CEP70: variants seen among roughly 807,000 people sequenced by gnomAD.
CEP70 encodes the protein centrosomal protein of 70 kDa.
A neutral mutation model predicts 90.9 loss-of-function variants in CEP70; 70 were observed. The observed-to-expected ratio is 0.77, with a 90% CI of 0.64 to 0.94. The LOEUF (loss-of-function observed/expected upper bound fraction) is 0.94. CEP70 is among the 40% of genes least tolerant of loss of function. The probability of loss-of-function intolerance (pLI) is 0.00; values close to 1 mark genes in which losing one functional copy is unlikely to be tolerated. For synonymous variants in CEP70, 220 were observed against 228.3 expected (o/e 0.96, Z 0.33); for missense variants, 648 against 669.0 (o/e 0.97, Z 0.35).
At chr3:138,563,599 T>C (rs565206376) in intron 6 of CEP70, among the ~76,000 whole-genome samples, 3 of 152,180 alleles carry the variant, frequency 2.0e-5, no homozygotes, top group Admixed American at 6.5e-5. Context: ...GAATGACTAC[T>C]GGGTAAACAA....
At chr3:138,519,074 G>T (rs1365024215) in intron 11 of CEP70, among the ~76,000 whole-genome samples, 1 of 152,186 alleles carries the variant, frequency 6.6e-6, no homozygotes, top group Non-Finnish European at 1.5e-5. Context: ...CTGGAAGAAA[G>T]GGTATCAGTG....
chr3:138,497,908 G>A (rs2108651189), intron 17 of CEP70, 123 bp downstream of exon 17: 1 of 1,505,736 alleles, frequency 6.6e-7, no homozygotes, highest in Non-Finnish European at 8.8e-7. Context: ...TGTGTTTCCA[G>A]AACTGTTAGT....
chr3:138,522,543 T>C (rs1456946671), intron 11 of CEP70, among the ~76,000 whole-genome samples: 2 of 152,058 alleles, frequency 1.3e-5, no homozygotes, highest in Non-Finnish European at 2.9e-5. Context: ...AAAGGGGATA[T>C]CACCACAGAT....
intron 6 of CEP70, among the ~76,000 whole-genome samples, chr3:138,539,844 T>G (rs921573809): frequency 6.6e-6 from 1 of 152,082 alleles, no homozygotes; most frequent in Admixed American, 6.6e-5. Context: ...TCAATTCAAA[T>G]AAGCCTACCC....
chr3:138,551,460 A>G (rs1015554573), intron 6 of CEP70, among the ~76,000 whole-genome samples: 1 of 152,216 alleles, frequency 6.6e-6, no homozygotes, highest in African/African-American at 2.4e-5. Context: ...AATTAAAAAA[A>G]TCTGGCTGGG....
rs869111052 is a variant in CEP70 at position 138,525,425 on chromosome 3, TAAAA to T, written c.944+61_944+64del. ...AAGTATAATAAAATAAAAATAAAAA[TAAAA>T]ATAAATAAATAAAATAAAAAATCCT... On this transcript the variant is annotated intron_variant, in intron 11 of 17. Coordinates refer to ENST00000264982, the MANE Select transcript of CEP70 (RefSeq NM_024491.4). 5.6e-5 allele frequency: 32 copies of T among 574,150 alleles called. 1 individual carries two copies. The highest frequency in any genetic ancestry group is 3.0e-4 in the African/African-American group (15 of 49,936). The allele number at this position is 574,150 out of a possible 1,614,324, so 35.6% of individuals were successfully genotyped here. A position where few individuals can be genotyped will look rare whatever the true frequency, so the allele number is the denominator to read the frequency against.
intron 6 of CEP70, among the ~76,000 whole-genome samples, chr3:138,542,145 G>T (rs2038820235): frequency 6.6e-6 from 1 of 152,198 alleles, no homozygotes; most frequent in African/African-American, 2.4e-5. Context: ...GCAAATGTGG[G>T]GTCTGGCTAT....
At chr3:138,569,852 A>G (rs2041044321) in intron 6 of CEP70, among the ~76,000 whole-genome samples, 1 of 152,238 alleles carries the variant, frequency 6.6e-6, no homozygotes, top group African/African-American at 2.4e-5. Context: ...TGGGTGACAG[A>G]GCCAGACGCT....
At chr3:138,581,694 C>CAAAAAAAAA (rs35064874) in intron 2 of CEP70, among the ~76,000 whole-genome samples, 2 of 79,350 alleles carry the variant, frequency 2.5e-5, no homozygotes, top group African/African-American at 4.8e-5. Context: ...AAACTTGTCT[C>CAAAAAAAAA]AAAAAAAAAA....
intron 16 of CEP70, among the ~76,000 whole-genome samples, chr3:138,499,574 G>GA (rs2034287583): frequency 6.6e-6 from 1 of 152,050 alleles, no homozygotes; most frequent in Non-Finnish European, 1.5e-5. Flanking sequence ...TTTTTATCTT[G>GA]AAAATATTTG....
chr3:138,500,658 A>G, intron 14 of CEP70, 77 bp downstream of exon 14: 3 of 1,493,580 alleles, frequency 2.0e-6, no homozygotes, highest in African/African-American at 1.4e-5. Flanking sequence ...ACTCTAGTAG[A>G]ACAAATATCA....
chr3:138,513,178 G>A (rs138094024), intron 11 of CEP70, among the ~76,000 whole-genome samples: 355 of 152,330 alleles, frequency 2.3e-3, no homozygotes, highest in African/African-American at 8.1e-3. Flanking sequence ...CAGACATGAT[G>A]CACAGCCTGT....
intron 6 of CEP70, among the ~76,000 whole-genome samples, chr3:138,555,688 GA>G (rs1312327938): frequency 2.0e-5 from 3 of 152,182 alleles, no homozygotes; most frequent in Non-Finnish European, 2.9e-5. Context: ...AATGGTCAGG[GA>G]AATGCAGATC....
chr3:138,532,812 T>C (rs1450515020), intron 7 of CEP70, among the ~76,000 whole-genome samples: 1 of 152,180 alleles, frequency 6.6e-6, no homozygotes, highest in African/African-American at 2.4e-5. Flanking sequence ...TAAATGCATA[T>C]CCTCCTTGTC....
At chr3:138,496,885 T>C (rs2033987196) in intron 17 of CEP70, 1 of 985,528 alleles carries the variant, frequency 1.0e-6, no homozygotes, top group African/African-American at 1.7e-5. Flanking sequence ...TATAGAAGCA[T>C]TCTGAAATAA....
At chr3:138,501,772 G>A (rs1036057123) in intron 13 of CEP70, among the ~76,000 whole-genome samples, 2 of 152,088 alleles carry the variant, frequency 1.3e-5, no homozygotes, top group African/African-American at 4.8e-5. Context: ...CTGATCAATC[G>A]ACAAATATTT....
rs1289595202 is a variant in CEP70 at position 138,530,944 on chromosome 3, GGA to G, written c.693-1484_693-1483del. The G allele has an allele frequency of 7.2e-6, 4 of 552,324 alleles. No individual in the cohort carries two copies. The African/African-American group carries it at 8.2e-5, about 11-fold the overall frequency. The allele number at this position is 552,324 out of a possible 1,614,324, so 34.2% of individuals were successfully genotyped here. A position where few individuals can be genotyped will look rare whatever the true frequency, so the allele number is the denominator to read the frequency against. On this transcript the variant is annotated intron_variant, in intron 8 of 17. Coordinates refer to ENST00000264982, the MANE Select transcript of CEP70 (RefSeq NM_024491.4). ...TGAATCCCGAAAAACTCCCTCCTTA[GGA>G]GAGAGACTCTTTTTATTGCTGCAAA...
At chr3:138,527,901 TA>T (rs1344113689) in intron 10 of CEP70, among the ~76,000 whole-genome samples, 25 of 151,788 alleles carry the variant, frequency 1.6e-4, no homozygotes, top group Non-Finnish European at 3.5e-4. Flanking sequence ...TTATCTGGAT[TA>T]TAACTGTTTC....
chr3:138,535,992 A>G (rs1384547235), intron 7 of CEP70, among the ~76,000 whole-genome samples: 5 of 152,074 alleles, frequency 3.3e-5, no homozygotes, highest in East Asian at 1.9e-4. Flanking sequence ...TATGTGCATT[A>G]TCTCTCAAAT....
Sources: gnomAD v4.1 joint callset for allele counts (sites outside exome capture counted in the v4.1 genomes callset) on GRCh38, gnomAD v4.1.1 for gene constraint, MANE v1.5 for transcripts, NCBI Gene and HGNC (gene_info 2026-07-23, HGNC 2026-07-21) for gene names.